The following ROBO2 variants were observed in gnomAD, a reference collection of about 807,000 sequenced individuals.
The protein encoded by ROBO2 is roundabout homolog 2.
ROBO2 carries 53 observed loss-of-function variants against 160.8 expected under a neutral mutation model. The observed-to-expected ratio is 0.33, with a 90% CI of 0.26 to 0.41. The LOEUF (loss-of-function observed/expected upper bound fraction) is 0.41, where lower values mean the gene tolerates loss of function less well. Ranked by LOEUF, ROBO2 falls within the 10% of genes least tolerant of loss-of-function variation. ROBO2 has a pLI of 1.00. For missense variants in ROBO2, 1,577 were observed against 1,722.4 expected, an observed-to-expected ratio of 0.92 and a Z score of 1.49; for synonymous variants, 664 against 611.7, an observed-to-expected ratio of 1.09 and a Z score of -1.26.
chr3:76,941,588 C>T (rs746839558), intron 2 of ROBO2, among the ~76,000 whole-genome samples: 3 of 152,194 alleles, frequency 2.0e-5, no homozygotes, highest in East Asian at 1.9e-4. Flanking sequence ...ACAATTATTA[C>T]GTACCAATCA....
intron 2 of ROBO2, among the ~76,000 whole-genome samples, chr3:76,213,499 T>G (rs1476710745): frequency 2.0e-5 from 3 of 152,158 alleles, no homozygotes; most frequent in Non-Finnish European, 4.4e-5. Context: ...ATAGATAATA[T>G]TCAATGAAAT....
chr3:77,098,161 G>T (rs745544902), exon 2 of ROBO2: 1 of 1,614,186 alleles, frequency 6.2e-7, no homozygotes, highest in East Asian at 2.2e-5. Flanking sequence ...GATGGGGAGC[G>T]AGTGGAGACT....
At chr3:76,058,800 T>G (rs1353451124) in intron 2 of ROBO2, among the ~76,000 whole-genome samples, 1 of 55,532 alleles carries the variant, frequency 1.8e-5, no homozygotes, top group African/African-American at 7.6e-5. Context: ...CCCTCCCCCC[T>G]CCCCCCACCC....
chr3:77,621,312 G>A (rs544185955), intron 22 of ROBO2, among the ~76,000 whole-genome samples: 16 of 152,198 alleles, frequency 1.1e-4, no homozygotes, highest in African/African-American at 3.6e-4. Context: ...TGTAATGCCA[G>A]CTACTTGGGA....
intron 2 of ROBO2, among the ~76,000 whole-genome samples, chr3:76,313,740 C>T (rs373248486): frequency 1.3e-5 from 2 of 152,034 alleles, no homozygotes; most frequent in Admixed American, 6.6e-5. Flanking sequence ...AGTTTTCTTC[C>T]GAGTTATTTT....
At chr3:76,836,476 G>C (rs532649772) in intron 2 of ROBO2, among the ~76,000 whole-genome samples, 1 of 150,032 alleles carries the variant, frequency 6.7e-6, no homozygotes, top group East Asian at 2.0e-4. Flanking sequence ...AAAGACTTTG[G>C]GGGGGCAGGA....
At chr3:76,323,173 A>ACACACACACC (rs1185191053) in intron 2 of ROBO2, among the ~76,000 whole-genome samples, 196 of 151,080 alleles carry the variant, frequency 1.3e-3, no homozygotes, top group South Asian at 7.9e-3. Flanking sequence ...ACACACACAC[A>ACACACACACC]CACCCCTAAA....
intron 2 of ROBO2, among the ~76,000 whole-genome samples, chr3:76,639,466 A>T (rs112668730): frequency 2.3e-3 from 149 of 63,762 alleles, no homozygotes; most frequent in East Asian, 4.8e-3. Context: ...ACACTCTCTC[A>T]CACACACACA....
chr3:77,410,540 TTCTTCCTCCTCTTCTTCCTCCTCTTC>T (rs2076633960), intron 2 of ROBO2, among the ~76,000 whole-genome samples: 1 of 66,874 alleles, frequency 1.5e-5, no homozygotes. Flanking sequence ...CCTCCTCCTC[TTCTTCCTCCTCTTCTTCCTCCTCTTC>T]TTCCTCCTCC....
chr3:76,482,183 T>C (rs182208513), intron 2 of ROBO2, among the ~76,000 whole-genome samples: 149 of 152,288 alleles, frequency 9.8e-4, no homozygotes, highest in African/African-American at 3.2e-3. Flanking sequence ...TATGCCTTTA[T>C]TTCATGTCAT....
intron 2 of ROBO2, among the ~76,000 whole-genome samples, chr3:76,867,282 A>G (rs1260105112): frequency 6.6e-6 from 1 of 152,180 alleles, no homozygotes; most frequent in Non-Finnish European, 1.5e-5. Flanking sequence ...TATTTTAGTA[A>G]GGAATATAGG....
At chr3:76,593,993 G>A (rs1007551283) in intron 2 of ROBO2, among the ~76,000 whole-genome samples, 2 of 151,882 alleles carry the variant, frequency 1.3e-5, no homozygotes, top group African/African-American at 4.8e-5. Flanking sequence ...AAATATTGTT[G>A]TAAAGTAACA....
intron 2 of ROBO2, among the ~76,000 whole-genome samples, chr3:76,437,464 C>G (rs1227813827): frequency 6.6e-6 from 1 of 152,148 alleles, no homozygotes; most frequent in African/African-American, 2.4e-5. Context: ...ATTTTAAACA[C>G]TGTCCCCAAT....
chr3:77,411,278 G>A (rs2076779551), intron 2 of ROBO2, among the ~76,000 whole-genome samples: 1 of 152,110 alleles, frequency 6.6e-6, no homozygotes, highest in African/African-American at 2.4e-5. Flanking sequence ...TGCCTGGTGA[G>A]GGCATAAATT....
intron 2 of ROBO2, among the ~76,000 whole-genome samples, chr3:77,342,524 C>A (rs574315105): frequency 1.3e-5 from 2 of 152,232 alleles, no homozygotes. Context: ...ACTTATATGT[C>A]TACCTGAAGA....
At chr3:75,993,518 T>C (rs1265530653) in intron 2 of ROBO2, among the ~76,000 whole-genome samples, 3 of 152,190 alleles carry the variant, frequency 2.0e-5, no homozygotes, top group African/African-American at 7.2e-5. Context: ...GGTATGTCTT[T>C]ATTAGAAGCA....
chr3:77,384,772 A>C (rs1052965083), intron 2 of ROBO2, among the ~76,000 whole-genome samples: 1 of 152,190 alleles, frequency 6.6e-6, no homozygotes, highest in Non-Finnish European at 1.5e-5. Flanking sequence ...ATAAGATGTA[A>C]TTAGAATTTG....
chr3:77,380,504 G>A (rs1022270885), intron 2 of ROBO2, among the ~76,000 whole-genome samples: 31 of 152,132 alleles, frequency 2.0e-4, no homozygotes, highest in African/African-American at 6.8e-4. Context: ...CAAAGGAGAA[G>A]AATGAAAATC....
At chr3:77,182,317 T>C (rs187525874) in intron 2 of ROBO2, among the ~76,000 whole-genome samples, 1 of 152,152 alleles carries the variant, frequency 6.6e-6, no homozygotes, top group African/African-American at 2.4e-5. Flanking sequence ...ATACTTGGGG[T>C]TAAGCTGGGA....
Sources: gnomAD v4.1 joint callset for allele counts (sites outside exome capture counted in the v4.1 genomes callset) on GRCh38, gnomAD v4.1.1 for gene constraint, MANE v1.5 for transcripts, NCBI Gene and HGNC (gene_info 2026-07-23, HGNC 2026-07-21) for gene names.